The following MCFD2 variants were observed in gnomAD, a reference collection of about 807,000 sequenced individuals.
MCFD2 encodes multiple coagulation factor deficiency protein 2.
Under a neutral mutation model 12.8 loss-of-function variants are expected in MCFD2, and 11 were observed. That is an observed-to-expected ratio of 0.86 (90% confidence interval 0.54 to 1.42). The LOEUF (loss-of-function observed/expected upper bound fraction) is 1.42. Ranked by LOEUF, MCFD2 falls within the 40% of genes most tolerant of loss-of-function variation. The pLI, the probability that MCFD2 is intolerant of heterozygous loss-of-function variation, is 0.00. For synonymous variants in MCFD2, 70 were observed against 68.1 expected (o/e 1.03, Z -0.14); for missense variants, 191 against 178.6 (o/e 1.07, Z -0.40).
At chr2:46,922,836 T>C (rs912460904) in intron 1 of MCFD2, among the ~76,000 whole-genome samples, 1 of 152,130 alleles carries the variant, frequency 6.6e-6, no homozygotes, top group Non-Finnish European at 1.5e-5. Context: ...GCCATCTACC[T>C]AGAGATAACC....
Position 46,941,442 on chromosome 2 carries a change from C to T in MCFD2, c.-8+130G>A. The T allele has an allele frequency of 1.5e-6, 2 of 1,298,702 alleles. No individual in the cohort carries two copies. Among genetic ancestry groups the T allele is most frequent in the South Asian group, 4.2e-5 (2 of 47,734 alleles). 80.4% of individuals were successfully genotyped at this position (1,298,702 alleles called of 1,614,324 possible). On this transcript the variant is annotated intron_variant, in intron 1 of 2. Coordinates refer to the MCFD2 transcript ENST00000409147. The surrounding 1 kb of genome is among the most constrained non-coding windows in gnomAD (Gnocchi z 4.2). Reference sequence around the variant, plus strand: ...CCCGGGCCCCGGCTGCCGTCTGCGCCCCCGTCGACCCCGCCCGCGAGTGCG... The same window carrying T: ...CCCGGGCCCCGGCTGCCGTCTGCGCTCCCGTCGACCCCGCCCGCGAGTGCG...
intron 1 of MCFD2, among the ~76,000 whole-genome samples, chr2:46,933,295 G>C (rs542350618): frequency 6.6e-5 from 10 of 152,248 alleles, no homozygotes; most frequent in Non-Finnish European, 1.3e-4. Context: ...CAATCATGAA[G>C]TGAGTGGCTG....
chr2:46,907,228 A>C lies in MCFD2; in HGVS notation c.309+582T>G. The C allele has an allele frequency of 6.0e-6, 1 of 167,860 alleles. No individual in the cohort carries two copies. The highest frequency in any genetic ancestry group is 1.3e-5 in the Non-Finnish European group (1 of 77,268). 10.4% of individuals were successfully genotyped at this position (167,860 alleles called of 1,614,324 possible). A position where few individuals can be genotyped will look rare whatever the true frequency, so the allele number is the denominator to read the frequency against. The stretch of plus-strand genomic sequence containing the variant: ...CTGTCTTTTAGGCACTGATTCTCAT[A>C]CTCTGGTGTGTAACAGAAATGCCTG... On this transcript the variant is annotated intron_variant, in intron 3 of 3. Coordinates refer to ENST00000319466, the MANE Select transcript of MCFD2 (RefSeq NM_139279.6). The surrounding 1 kb of genome is among the most constrained non-coding windows in gnomAD (Gnocchi z 4.1).
At chr2:46,936,301 A>T (rs1172758505) in intron 1 of MCFD2, among the ~76,000 whole-genome samples, 1 of 152,140 alleles carries the variant, frequency 6.6e-6, no homozygotes, top group African/African-American at 2.4e-5. Flanking sequence ...CTGTAAGAGG[A>T]AAGTTTTTAG....
At position 46,909,529 on chromosome 2, in the gene MCFD2, T is replaced by G. The variant is rs116559074; in HGVS notation, c.-6-352A>C. On this transcript the variant is annotated intron_variant, in intron 1 of 3. Transcript: ENST00000319466. ...GCACCAGGAAAGGCAGCCAGCAAGT[T>G]ATATCAGATTATCAGAGAAAGCGAA... Among the ~76,000 whole-genome samples, 396 of 152,292 alleles carry G rather than the reference T, an allele frequency of 2.6e-3. 1 individual carries two copies. The highest frequency in any genetic ancestry group is 8.9e-3 in the African/African-American group (369 of 41,554).
At chr2:46,917,105 C>T (rs898406070), upstream of MCFD2, 11 of 690,658 alleles carry the variant, frequency 1.6e-5, no homozygotes, top group Non-Finnish European at 2.6e-5. Context: ...CTTTTCCCAC[C>T]TTCATCTGAG....
rs1485264201 is a variant in MCFD2, at chr2:46,902,253, G to C, written c.*3210C>G. The C allele has an allele frequency of 6.6e-6, 1 of 152,588 alleles. No individual in the cohort carries two copies. The highest frequency in any genetic ancestry group is 1.5e-5 in the Non-Finnish European group (1 of 68,026). The allele number at this position is 152,588 out of a possible 1,614,324, so 9.5% of individuals were successfully genotyped here. On this transcript the variant is annotated 3_prime_UTR_variant, in exon 4 of 4. Coordinates refer to ENST00000319466, the MANE Select transcript of MCFD2 (RefSeq NM_139279.6). ...TTTCTAATCTTTCCTGATTTGAAAA[G>C]AATCCATGTATCTAGGCTAAAAGAG...
intron 3 of MCFD2, chr2:46,906,005 G>T (rs781282598): frequency 8.5e-6 from 4 of 471,758 alleles, no homozygotes; most frequent in Non-Finnish European, 1.8e-5. Context: ...AAACAGTGAC[G>T]AATTGGACAA....
Position 46,941,682 on chromosome 2 carries a change from C to T in MCFD2, c.-118G>A. 6.4e-7 allele frequency: 1 copy of T among 1,551,520 alleles called. No homozygotes were observed. Among genetic ancestry groups the T allele is most frequent in the East Asian group, 2.4e-5 (1 of 41,132 alleles). ...TGAGCATGCCCGGCGGCGGAGGTAACAGGCGAGGCAGCCCGAGCGCAGCGT... is the reference window on the plus strand; with the variant it reads ...TGAGCATGCCCGGCGGCGGAGGTAATAGGCGAGGCAGCCCGAGCGCAGCGT... On this transcript the variant is annotated 5_prime_UTR_variant, in exon 1 of 3. Coordinates refer to the MCFD2 transcript ENST00000409147. The surrounding 1 kb of genome is among the most constrained non-coding windows in gnomAD (Gnocchi z 4.2).
At chr2:46,931,610 A>G (rs899214043) in intron 1 of MCFD2, among the ~76,000 whole-genome samples, 1 of 152,154 alleles carries the variant, frequency 6.6e-6, no homozygotes, top group African/African-American at 2.4e-5. Flanking sequence ...CAAGGAATGC[A>G]GTCGGCCTCT....
At chr2:46,926,609 T>G (rs879601993) in intron 1 of MCFD2, among the ~76,000 whole-genome samples, 1 of 152,204 alleles carries the variant, frequency 6.6e-6, no homozygotes, top group Admixed American at 6.5e-5. Context: ...GATTTCAGAT[T>G]GGTAGAGCCC....
Position 46,941,402 on chromosome 2 carries a change from G to T in MCFD2, c.-8+170C>A. On this transcript the variant is annotated intron_variant, in intron 1 of 2. Coordinates refer to the MCFD2 transcript ENST00000409147. This position sits in a 1 kb window ranked among gnomAD's most constrained non-coding sequence, Gnocchi z 4.2. Reference sequence around the variant, plus strand: ...TGCTGCTGCCCACCCTCCGCCGCCCGGGCCCCCGCTGCCGCCCGGGCCCCG... The same window carrying T: ...TGCTGCTGCCCACCCTCCGCCGCCCTGGCCCCCGCTGCCGCCCGGGCCCCG... The T allele has an allele frequency of 4.1e-6, 3 of 732,128 alleles. No individual in the cohort carries two copies. Among genetic ancestry groups the T allele is most frequent in the Non-Finnish European group, 5.3e-6 (3 of 561,518 alleles). 45.4% of individuals were successfully genotyped at this position (732,128 alleles called of 1,614,324 possible).
rs1670049947 is a variant in MCFD2, at chr2:46,937,701, G to A, written c.-8+3871C>T. Among the ~76,000 whole-genome samples the A allele has an allele frequency of 6.6e-6, 1 of 152,186 alleles. No individual in the cohort carries two copies. The highest frequency in any genetic ancestry group is 2.4e-5 in the African/African-American group (1 of 41,432). ...GATTCTCCCACCTCCTTCTCCCAAA[G>A]TGTTAGGATTATAGGCACGAGCTGC... On this transcript the variant is annotated intron_variant, in intron 1 of 2. Coordinates refer to the MCFD2 transcript ENST00000409147. The surrounding 1 kb of genome is among the most constrained non-coding windows in gnomAD (Gnocchi z 4.0).
rs1233859715 is a variant in MCFD2, at chr2:46,904,285, C to G, written c.*1178G>C. ...AAGGGAAATGTGGTGTGGGAGCCCC[C>G]ACACAGAGTCCCTACTGGGGCACTG... On this transcript the variant is annotated 3_prime_UTR_variant, in exon 4 of 4. Transcript: ENST00000319466. 2 of 152,372 alleles carry G rather than the reference C, an allele frequency of 1.3e-5. No homozygotes were observed. Among genetic ancestry groups the G allele is most frequent in the African/African-American group, 4.8e-5 (2 of 41,460 alleles). 9.4% of individuals were successfully genotyped at this position (152,372 alleles called of 1,614,324 possible).
chr2:46,910,095 G>T (rs1668423681), intron 1 of MCFD2, among the ~76,000 whole-genome samples: 1 of 152,188 alleles, frequency 6.6e-6, no homozygotes, highest in Non-Finnish European at 1.5e-5. Context: ...GCACTGGAAA[G>T]AAAAGTTACA....
intron 1 of MCFD2, among the ~76,000 whole-genome samples, chr2:46,922,113 C>G (rs142258946): frequency 1.9e-4 from 29 of 152,146 alleles, no homozygotes; most frequent in African/African-American, 7.0e-4. Context: ...GTCTGTGAAG[C>G]GTGCCCTTGA....
At chr2:46,926,239 G>T (rs912799083) in intron 1 of MCFD2, among the ~76,000 whole-genome samples, 7 of 152,156 alleles carry the variant, frequency 4.6e-5, no homozygotes, top group African/African-American at 1.7e-4. Flanking sequence ...CTAGATGGTC[G>T]GGGAGACATA....
rs1185247685 is a variant in MCFD2 at position 46,903,752 on chromosome 2, C to T, written c.*1711G>A. ...AAGCAGCAAAGTGTTCAACAGGTGA[C>T]TTGGGTGCTTTTAAAGGCATTCCCT... On this transcript the variant is annotated 3_prime_UTR_variant, in exon 4 of 4. Transcript: ENST00000319466. 1 of 152,114 alleles carries T rather than the reference C, an allele frequency of 6.6e-6. No homozygotes were observed. Among genetic ancestry groups the T allele is most frequent in the East Asian group, 1.9e-4 (1 of 5,204 alleles). 9.4% of individuals were successfully genotyped at this position (152,114 alleles called of 1,614,324 possible).
chr2:46,926,526 T>C (rs1669392247), intron 1 of MCFD2, among the ~76,000 whole-genome samples: 1 of 152,182 alleles, frequency 6.6e-6, no homozygotes, highest in South Asian at 2.1e-4. Flanking sequence ...AGATGAGCCT[T>C]CTCATGGACC....
Sources: allele counts gnomAD v4.1 joint callset (sites outside exome capture counted in the v4.1 genomes callset), GRCh38; gene constraint gnomAD v4.1.1; non-coding constraint Gnocchi (gnomAD v3.1); transcripts MANE v1.5; gene names NCBI Gene and HGNC (gene_info 2026-07-23, HGNC 2026-07-21).